The following NUP88 variants were observed in gnomAD, a reference collection of about 807,000 sequenced individuals.
NUP88 encodes nuclear pore complex protein Nup88.
A neutral mutation model predicts 93.9 loss-of-function variants in NUP88; 57 were observed. The observed-to-expected ratio is 0.61, with a 90% CI of 0.49 to 0.76. The LOEUF (loss-of-function observed/expected upper bound fraction) is 0.76, where lower values mean the gene tolerates loss of function less well. NUP88 is among the 30% of genes least tolerant of loss of function. NUP88 has a pLI of 0.00. For missense variants in NUP88, 911 were observed against 901.0 expected, an observed-to-expected ratio of 1.01 and a Z score of -0.14; for synonymous variants, 346 against 336.8, an observed-to-expected ratio of 1.03 and a Z score of -0.30.
chr17:5,388,827 T>C lies in NUP88; in HGVS notation c.1618A>G (p.Ser540Gly). The change falls in exon 11 of 17, where the codon AGT becomes GGT. Residue 540 changes from serine (S) to glycine (G), a missense_variant. Physicochemically the swap from Ser to Gly is moderately conservative, Grantham distance 56. Coordinates refer to ENST00000573584, the MANE Select transcript of NUP88 (RefSeq NM_002532.6). ...TTCAAAAATGCTGGATTGGCAACAC[T>C]ACGTTGCAAAATGCTTCTAATATGC... ...EKHIRSILQR[S>G]VANPAFLKAS... is the part of the protein sequence containing the mutation. 1 of 1,613,968 alleles carries C rather than the reference T, an allele frequency of 6.2e-7. No homozygotes were observed. The highest frequency in any genetic ancestry group is 8.5e-7 in the Non-Finnish European group (1 of 1,179,918).
At chr17:5,414,241 G>A in intron 2 of NUP88, 107 bp from the exon 3 acceptor site, 3 of 965,378 alleles carry the variant, frequency 3.1e-6, no homozygotes, top group Non-Finnish European at 4.6e-6. Flanking sequence ...TGTTGCCCAG[G>A]CTGGAGTGTA....
chr17:5,404,602 G>A (rs542816758), intron 6 of NUP88, among the ~76,000 whole-genome samples: 11 of 151,956 alleles, frequency 7.2e-5, no homozygotes, highest in South Asian at 2.1e-4. Flanking sequence ...CACCAAGAGC[G>A]AAACTCTGTC....
At chr17:5,386,416 T>A in intron 16 of NUP88, 147 bp from the exon 17 acceptor site, 1 of 694,000 alleles carries the variant, frequency 1.4e-6, no homozygotes, top group Non-Finnish European at 2.5e-6. Flanking sequence ...AGCAATAGTG[T>A]TCACTATTCA....
At chr17:5,417,656 T>C (rs1049651073) in intron 1 of NUP88, among the ~76,000 whole-genome samples, 3 of 151,976 alleles carry the variant, frequency 2.0e-5, no homozygotes, top group South Asian at 2.1e-4. Context: ...CTGGTTAACA[T>C]GGTGAAACCC....
At chr17:5,412,725 T>C (rs1232783169) in intron 3 of NUP88, among the ~76,000 whole-genome samples, 1 of 151,646 alleles carries the variant, frequency 6.6e-6, no homozygotes, top group Non-Finnish European at 1.5e-5. Context: ...AGTTCACTAG[T>C]GACAGATGGA....
intron 7 of NUP88, 71 bp downstream of exon 7, chr17:5,404,028 T>C (rs951147256): frequency 1.2e-5 from 17 of 1,459,128 alleles, no homozygotes; most frequent in African/African-American, 2.8e-5. Flanking sequence ...ATACATTACA[T>C]AGGAACAGTC....
intron 16 of NUP88, 89 bp from the exon 17 acceptor site, chr17:5,386,358 T>C (rs1228102567): frequency 5.2e-6 from 5 of 970,560 alleles, no homozygotes; most frequent in South Asian, 1.5e-5. Context: ...TGTTGAAACA[T>C]CTAAGAACTG....
rs1468838409 is a variant in NUP88 at position 5,399,546 on chromosome 17, A to T, written c.1291+6T>A. On this transcript the variant is annotated splice_donor_region_variant and intron_variant, in intron 8 of 16. Coordinates refer to ENST00000573584, the MANE Select transcript of NUP88 (RefSeq NM_002532.6). ...TATTAAAAGTGCAGAGAGTTAGTAA[A>T]CTCACCTGATCCAAGAAATTTGTGA... 1 of 1,508,832 alleles carries T rather than the reference A, an allele frequency of 6.6e-7. No homozygotes were observed. The highest frequency in any genetic ancestry group is 1.7e-5 in the Admixed American group (1 of 58,082). 93.5% of individuals were successfully genotyped at this position (1,508,832 alleles called of 1,614,324 possible).
intron 9 of NUP88, among the ~76,000 whole-genome samples, chr17:5,393,155 C>T (rs1449281330): frequency 2.0e-5 from 3 of 152,022 alleles, no homozygotes; most frequent in Non-Finnish European, 4.4e-5. Context: ...CGGGGTTTCA[C>T]CACGTTGGCC....
chr17:5,390,407 C>A (rs913043660), intron 10 of NUP88, among the ~76,000 whole-genome samples: 3 of 152,046 alleles, frequency 2.0e-5, no homozygotes, highest in Admixed American at 2.0e-4. Context: ...TTTATTTTTA[C>A]ATCCAGATAG....
intron 2 of NUP88, among the ~76,000 whole-genome samples, chr17:5,416,156 A>AGAGTATAT (rs1914123414): frequency 1.4e-5 from 1 of 72,978 alleles, no homozygotes; most frequent in Non-Finnish European, 2.8e-5. Flanking sequence ...AAAAAAAAAA[A>AGAGTATAT]AAAAAAAAAA....
chr17:5,398,146 CAAG>C (rs59866355), intron 8 of NUP88, among the ~76,000 whole-genome samples: 66,261 of 151,758 alleles, frequency 0.44, 15,197 homozygotes, highest in East Asian at 0.83. Flanking sequence ...GTCCTAACCT[CAAG>C]TGCCTCGGCC....
At chr17:5,390,646 G>A (rs888698120) in intron 10 of NUP88, among the ~76,000 whole-genome samples, 2 of 152,040 alleles carry the variant, frequency 1.3e-5, no homozygotes, top group Admixed American at 1.3e-4. Context: ...GGAACATAGT[G>A]ATTACAGCTT....
chr17:5,393,664 C>T (rs1912589893), intron 9 of NUP88, among the ~76,000 whole-genome samples: 1 of 151,952 alleles, frequency 6.6e-6, no homozygotes, highest in Non-Finnish European at 1.5e-5. Flanking sequence ...TCTTGCACTC[C>T]TGACCGTGTG....
intron 7 of NUP88, among the ~76,000 whole-genome samples, chr17:5,399,963 C>T (rs969352169): frequency 4.0e-5 from 6 of 151,880 alleles, no homozygotes; most frequent in Middle Eastern, 3.2e-3. Flanking sequence ...TATGTTTACA[C>T]TATGCAGAAA....
chr17:5,409,832 T>A (rs1989946), intron 4 of NUP88, among the ~76,000 whole-genome samples: 68,735 of 152,058 alleles, frequency 0.45, 16,263 homozygotes, highest in East Asian at 0.84. Flanking sequence ...TGAGCAAAGA[T>A]CTGAAGGAAG....
chr17:5,387,907 T>C lies in NUP88; in HGVS notation c.1644-3A>G. On this transcript the variant is annotated splice_region_variant and splice_polypyrimidine_tract_variant and intron_variant, in intron 11 of 16. Coordinates refer to ENST00000573584, the MANE Select transcript of NUP88 (RefSeq NM_002532.6). ...GGGCTATGTCCTTTTCAGAAGCTCT[T>C]AAAAACAAAGTTTCTACCTTTATTT... is the stretch of plus-strand genomic sequence containing the variant. 1 of 1,611,664 alleles carries C rather than the reference T, an allele frequency of 6.2e-7. No individual in the cohort carries two copies. Among genetic ancestry groups the C allele is most frequent in the Non-Finnish European group, 8.5e-7 (1 of 1,179,048 alleles).
At chr17:5,414,623 C>T (rs1914030408) in intron 2 of NUP88, among the ~76,000 whole-genome samples, 1 of 152,036 alleles carries the variant, frequency 6.6e-6, no homozygotes. Flanking sequence ...AAAATATCTT[C>T]TAAATTATAG....
intron 2 of NUP88, among the ~76,000 whole-genome samples, chr17:5,415,545 G>A (rs758615844): frequency 5.3e-5 from 8 of 152,100 alleles, no homozygotes; most frequent in Non-Finnish European, 7.4e-5. Flanking sequence ...TATAAGTTGC[G>A]GAGCTAAAAG....
Sources: allele counts gnomAD v4.1 joint callset (sites outside exome capture counted in the v4.1 genomes callset), GRCh38; gene constraint gnomAD v4.1.1; transcripts MANE v1.5; gene names NCBI Gene and HGNC (gene_info 2026-07-23, HGNC 2026-07-21).